IL1R1: variants seen among roughly 807,000 people sequenced by gnomAD.
IL1R1 encodes interleukin-1 receptor type 1.
A neutral mutation model predicts 50.2 loss-of-function variants in IL1R1; 22 were observed. The ratio of observed to expected loss-of-function variants is 0.44; its 90% CI spans 0.31 to 0.63. The LOEUF (loss-of-function observed/expected upper bound fraction) is 0.63, where lower values mean the gene tolerates loss of function less well. Among genes scored for constraint, IL1R1 ranks in the 20% least tolerant of loss-of-function variants. IL1R1 has a pLI of 0.07. For synonymous variants in IL1R1, 251 were observed against 236.7 expected (o/e 1.06, Z -0.55); for missense variants, 509 against 676.2 (o/e 0.75, Z 2.74).
intron 1 of IL1R1, among the ~76,000 whole-genome samples, chr2:102,131,799 C>T (rs940951196): frequency 6.6e-6 from 1 of 152,046 alleles, no homozygotes; most frequent in African/African-American, 2.4e-5. Flanking sequence ...AAATAATGGC[C>T]AGGAGTTCTC....
At chr2:102,082,723 T>C (rs540829883) in intron 1 of IL1R1, among the ~76,000 whole-genome samples, 66 of 152,248 alleles carry the variant, frequency 4.3e-4, no homozygotes, top group Middle Eastern at 3.4e-3. Flanking sequence ...CAAGCGAGCA[T>C]GCCATCAGCA....
intron 1 of IL1R1, among the ~76,000 whole-genome samples, chr2:102,105,540 A>G (rs1680357988): frequency 6.6e-6 from 1 of 151,888 alleles, no homozygotes; most frequent in African/African-American, 2.4e-5. Context: ...AACTTTTTGT[A>G]TTTTTAGTAG....
chr2:102,075,239 G>T (rs1678908856), intron 1 of IL1R1, among the ~76,000 whole-genome samples: 1 of 152,114 alleles, frequency 6.6e-6, no homozygotes, highest in African/African-American at 2.4e-5. Context: ...ATCCAATCCA[G>T]ACCAACACTT....
chr2:102,088,064 C>T (rs1201266447), intron 1 of IL1R1, among the ~76,000 whole-genome samples: 2 of 152,186 alleles, frequency 1.3e-5, no homozygotes, highest in Non-Finnish European at 2.9e-5. Context: ...AAGTCTTGAA[C>T]CCCTTAAAGT....
chr2:102,153,630 T>C (rs1181568841), intron 1 of IL1R1, among the ~76,000 whole-genome samples: 2 of 152,150 alleles, frequency 1.3e-5, no homozygotes, highest in South Asian at 2.1e-4. Flanking sequence ...GTTCTCATGA[T>C]AGTGAGTGAA....
rs182134743 is a variant in IL1R1, at chr2:102,147,551, G to A, written c.-84+4531G>A. Reference sequence around the variant, plus strand: ...GCAGGGCATTTAGAAAGGGGACAAAGGACAAGAGATGAGGCCCATCCCTGT... The same window carrying A: ...GCAGGGCATTTAGAAAGGGGACAAAAGACAAGAGATGAGGCCCATCCCTGT... On this transcript the variant is annotated intron_variant, in intron 1 of 11. Coordinates refer to ENST00000410023, the MANE Select transcript of IL1R1 (RefSeq NM_000877.4). Among the ~76,000 whole-genome samples, 524 of 152,286 alleles carry A rather than the reference G, an allele frequency of 3.4e-3. 3 individuals carry two copies. Among genetic ancestry groups the A allele is most frequent in the African/African-American group, 0.012 (510 of 41,560 alleles).
chr2:102,162,217 C>T (rs1684791926), intron 3 of IL1R1, among the ~76,000 whole-genome samples: 1 of 152,112 alleles, frequency 6.6e-6, no homozygotes, highest in South Asian at 2.1e-4. Context: ...ACTTTCTTTT[C>T]ATGAGTGTTA....
At chr2:102,112,237 C>T (rs892021551) in intron 1 of IL1R1, among the ~76,000 whole-genome samples, 3 of 151,726 alleles carry the variant, frequency 2.0e-5, no homozygotes, top group Non-Finnish European at 4.4e-5. Flanking sequence ...TATTGTTGAT[C>T]AGACACTCAG....
intron 6 of IL1R1, among the ~76,000 whole-genome samples, chr2:102,167,490 C>T (rs1397619777): frequency 5.0e-5 from 7 of 139,718 alleles, no homozygotes; most frequent in Non-Finnish European, 1.1e-4. Context: ...CTCTGTCACC[C>T]AGGCTGGAGT....
In IL1R1 at chr2:102,176,868, C is replaced by T. The variant is rs1686186960; in HGVS notation, c.*109C>T. ...AGTTCATGGAATGTAACTATATCAT[C>T]CTTTATCCCTGAGGTCACCTGGAAT... is the stretch of plus-strand genomic sequence containing the variant. On this transcript the variant is annotated 3_prime_UTR_variant, in exon 12 of 12. Coordinates refer to ENST00000410023, the MANE Select transcript of IL1R1 (RefSeq NM_000877.4). The T allele has an allele frequency of 1.9e-6, 2 of 1,054,776 alleles. No individual in the cohort carries two copies. The highest frequency in any genetic ancestry group is 2.8e-6 in the Non-Finnish European group (2 of 711,544). The allele number at this position is 1,054,776 out of a possible 1,614,324, so 65.3% of individuals were successfully genotyped here.
chr2:102,086,329 C>G (rs908428461), intron 1 of IL1R1, among the ~76,000 whole-genome samples: 1 of 152,086 alleles, frequency 6.6e-6, no homozygotes, highest in Non-Finnish European at 1.5e-5. Flanking sequence ...CATTGTATTT[C>G]CTGTATGTGA....
chr2:102,138,923 C>A (rs1220774320), upstream of IL1R1, among the ~76,000 whole-genome samples: 17 of 152,182 alleles, frequency 1.1e-4, no homozygotes, highest in Admixed American at 1.0e-3. Context: ...ATTCTCATTT[C>A]CACCTGATGG....
At chr2:102,121,021 C>T (rs1391672237) in intron 1 of IL1R1, among the ~76,000 whole-genome samples, 1 of 152,188 alleles carries the variant, frequency 6.6e-6, no homozygotes, top group East Asian at 1.9e-4. Flanking sequence ...CCTCTTGCTC[C>T]TGTCAGGCCC....
At position 102,136,914 on chromosome 2, in the gene IL1R1, G is replaced by T. The variant is rs1682375200; in HGVS notation, c.-83-17027G>T. ...TTACTAGTGGAGACTTACCTCTCAT[G>T]GGCTCTGTTAGTTCCCAGAAAATCA... On this transcript the variant is annotated intron_variant, in intron 1 of 10. Transcript: ENST00000409329. Among the ~76,000 whole-genome samples, 4 of 152,104 alleles carry T rather than the reference G, an allele frequency of 2.6e-5. No homozygotes were observed. The South Asian group carries it at 8.3e-4, about 32-fold the overall frequency.
At chr2:102,084,057 C>T (rs28548293) in intron 1 of IL1R1, among the ~76,000 whole-genome samples, 3,072 of 152,182 alleles carry the variant, frequency 0.02, 117 homozygotes, top group African/African-American at 0.07. Flanking sequence ...CTCTGAATCT[C>T]TTGCGACTCT....
intron 1 of IL1R1, among the ~76,000 whole-genome samples, chr2:102,150,592 C>A (rs1461173027): frequency 6.6e-6 from 1 of 152,196 alleles, no homozygotes; most frequent in East Asian, 1.9e-4. Context: ...ACGTCATGAT[C>A]ACCAAACAGC....
chr2:102,158,144 A>T (rs961964776), intron 3 of IL1R1, among the ~76,000 whole-genome samples: 1 of 152,242 alleles, frequency 6.6e-6, no homozygotes, highest in Non-Finnish European at 1.5e-5. Context: ...AGGAGATATT[A>T]TGTATAGTCT....
intron 1 of IL1R1, among the ~76,000 whole-genome samples, chr2:102,083,270 C>A (rs1457067133): frequency 2.0e-5 from 3 of 152,144 alleles, no homozygotes; most frequent in Non-Finnish European, 4.4e-5. Flanking sequence ...GAAAAAAATG[C>A]AAGGTAGATG....
In IL1R1 at chr2:102,165,168, A is replaced by G. The variant is rs1346733908; in HGVS notation, c.350A>G (p.Glu117Gly). The G allele has an allele frequency of 6.3e-7, 1 of 1,589,056 alleles. No individual in the cohort carries two copies. Among genetic ancestry groups the G allele is most frequent in the Non-Finnish European group, 8.5e-7 (1 of 1,173,068 alleles). ...IKISAKFVEN[E>G]PNLCYNAQAI... ...ATAAGTGCAAAATTTGTGGAGAATG[A>G]GCCTAACTTATGTTATAATGCACAA... The change falls in exon 5 of 12, where the codon GAG becomes GGG. Residue 117 changes from glutamate (E) to glycine (G), a missense_variant. By Grantham distance (98) the Glu-to-Gly change is moderately conservative. Transcript: ENST00000410023.
Sources: gnomAD v4.1 joint callset for allele counts (sites outside exome capture counted in the v4.1 genomes callset) on GRCh38, gnomAD v4.1.1 for gene constraint, MANE v1.5 for transcripts, NCBI Gene and HGNC (gene_info 2026-07-23, HGNC 2026-07-21) for gene names.